NEK7: variants seen among roughly 807,000 people sequenced by gnomAD.
The protein encoded by NEK7 is NIMA related kinase 7.
A neutral mutation model predicts 44.6 loss-of-function variants in NEK7; 18 were observed. The ratio of observed to expected loss-of-function variants is 0.40; its 90% confidence interval spans 0.28 to 0.60. The LOEUF is 0.60. Among genes scored for constraint, NEK7 ranks in the 20% least tolerant of loss-of-function variants. The pLI is 0.38. For synonymous variants in NEK7, 130 were observed against 121.1 expected (o/e 1.07, Z -0.48); for missense variants, 256 against 366.5 (o/e 0.70, Z 2.46).
At chr1:198,207,267 A>G (rs1311132175) in intron 1 of NEK7, 1 of 152,122 alleles carries the variant, frequency 6.6e-6, no homozygotes, top group Non-Finnish European at 1.5e-5. Context: ...TTCATTCTCT[A>G]TGTTTTATTT....
chr1:198,189,674 A>G (rs1454230976), intron 1 of NEK7, among the ~76,000 whole-genome samples: 1 of 152,154 alleles, frequency 6.6e-6, no homozygotes, highest in Non-Finnish European at 1.5e-5. Context: ...ATATGTTTTC[A>G]AAGTATTTGT....
intron 8 of NEK7, among the ~76,000 whole-genome samples, chr1:198,294,255 TGTAAC>T (rs1654646603): frequency 6.6e-6 from 1 of 151,994 alleles, no homozygotes. Context: ...GAGTCAGTAA[TGTAAC>T]AAAACATGTT....
At chr1:198,296,605 T>C (rs902174978) in intron 8 of NEK7, among the ~76,000 whole-genome samples, 1 of 152,168 alleles carries the variant, frequency 6.6e-6, no homozygotes, top group African/African-American at 2.4e-5. Context: ...TGGGGATCAG[T>C]TATTGCATTT....
intron 1 of NEK7, among the ~76,000 whole-genome samples, chr1:198,229,395 C>T (rs186796638): frequency 7.2e-5 from 11 of 152,246 alleles, no homozygotes; most frequent in African/African-American, 2.4e-4. Context: ...GTCTGTGAGC[C>T]GCTCTGGCAA....
intron 1 of NEK7, among the ~76,000 whole-genome samples, chr1:198,209,929 G>T (rs577411433): frequency 1.2e-3 from 178 of 151,932 alleles, no homozygotes; most frequent in Non-Finnish European, 2.1e-3. Flanking sequence ...CAATTCTCAT[G>T]CATCAGCCTC....
At position 198,271,922 on chromosome 1, in the gene NEK7, TATAC is replaced by T. The variant is rs201775089; in HGVS notation, c.373-6037_373-6034del. Among the ~76,000 whole-genome samples the T allele has an allele frequency of 8.5e-4, 123 of 145,012 alleles. 2 individuals carry two copies. The East Asian group carries it at 0.022, about 26-fold the overall frequency. ...TTTATATTTTATATATATATATATA[TATAC>T]ACACACACACACACACATAGATACA... On this transcript the variant is annotated intron_variant, in intron 5 of 9. Transcript: ENST00000367385.
intron 9 of NEK7, among the ~76,000 whole-genome samples, chr1:198,297,695 C>T (rs1225822107): frequency 1.3e-5 from 2 of 152,192 alleles, no homozygotes; most frequent in Admixed American, 6.5e-5. Flanking sequence ...ACTCGAAACA[C>T]GCATCTCTTA....
intron 1 of NEK7, among the ~76,000 whole-genome samples, chr1:198,175,012 C>A (rs1379024369): frequency 6.6e-6 from 1 of 152,142 alleles, no homozygotes; most frequent in Non-Finnish European, 1.5e-5. Context: ...CCCACCGTGG[C>A]TTCCCAAAGT....
chr1:198,211,732 C>A (rs779820568), intron 1 of NEK7, among the ~76,000 whole-genome samples: 3 of 151,728 alleles, frequency 2.0e-5, no homozygotes, highest in Non-Finnish European at 2.9e-5. Flanking sequence ...GGCAAGATGG[C>A]GGACTGGAGG....
intron 1 of NEK7, among the ~76,000 whole-genome samples, chr1:198,229,199 C>A (rs1666315017): frequency 6.6e-6 from 1 of 152,074 alleles, no homozygotes; most frequent in South Asian, 2.1e-4. Context: ...CACAAAAGGC[C>A]CAAGTGGCCA....
chr1:198,230,595 G>A (rs971423025), intron 1 of NEK7, among the ~76,000 whole-genome samples: 2 of 151,852 alleles, frequency 1.3e-5, no homozygotes, highest in African/African-American at 2.4e-5. Context: ...GATTTAATAC[G>A]TTTTTCCTAA....
At chr1:198,184,462 A>G (rs976059907) in intron 1 of NEK7, among the ~76,000 whole-genome samples, 2 of 152,212 alleles carry the variant, frequency 1.3e-5, no homozygotes, top group Admixed American at 1.3e-4. Flanking sequence ...AAATAGTCAA[A>G]CTGCTTACAT....
intron 2 of NEK7, among the ~76,000 whole-genome samples, chr1:198,243,303 T>C (rs1246524297): frequency 1.3e-5 from 2 of 152,212 alleles, no homozygotes; most frequent in East Asian, 1.9e-4. Flanking sequence ...GATATTATTA[T>C]GTATTTGTTT....
At chr1:198,311,061 T>A (rs1289466247) in intron 9 of NEK7, among the ~76,000 whole-genome samples, 1 of 149,514 alleles carries the variant, frequency 6.7e-6, no homozygotes, top group Non-Finnish European at 1.5e-5. Flanking sequence ...TGATTCTTCC[T>A]ACCCACGAGC....
chr1:198,293,205 A>G (rs1654612066), intron 8 of NEK7, among the ~76,000 whole-genome samples, 166 bp downstream of exon 8: 2 of 151,960 alleles, frequency 1.3e-5, no homozygotes, highest in Admixed American at 6.6e-5. Flanking sequence ...TTTAATAACT[A>G]TACATTCCTA....
chr1:198,219,393 G>T lies in NEK7; in HGVS notation c.-28-13160G>T, dbSNP rs1003323551. 2.6e-5 allele frequency among the ~76,000 whole-genome samples: 4 copies of T among 151,356 alleles called. No homozygotes were observed. The East Asian group carries it at 5.8e-4, about 22-fold the overall frequency. ...TAAGCTGTAAAACGAATGAAATAAT[G>T]TCTTCTGCAACAACTTGGATGGAAT... On this transcript the variant is annotated intron_variant, in intron 1 of 9. Coordinates refer to ENST00000367385, the MANE Select transcript of NEK7 (RefSeq NM_133494.3).
chr1:198,249,728 G>T (rs1163280095), intron 2 of NEK7, among the ~76,000 whole-genome samples: 1 of 145,498 alleles, frequency 6.9e-6, no homozygotes, highest in African/African-American at 2.6e-5. Flanking sequence ...ACTTTTTGAT[G>T]GGGTTGTTTG....
At chr1:198,229,483 G>A (rs1187561606) in intron 1 of NEK7, among the ~76,000 whole-genome samples, 1 of 152,234 alleles carries the variant, frequency 6.6e-6, no homozygotes, top group East Asian at 1.9e-4. Flanking sequence ...GGCTCGGACT[G>A]TGACTGGTGG....
chr1:198,320,064 G>C lies in NEK7; in HGVS notation c.*542G>C, dbSNP rs1655490968. On this transcript the variant is annotated 3_prime_UTR_variant, in exon 10 of 10. Transcript: ENST00000367385. ...TGATAAATGTAGACACAAACTATTT[G>C]AGAAACATTTAGAACTCTTAGCTTA... The C allele has an allele frequency of 6.6e-6, 1 of 152,130 alleles. No homozygotes were observed. The highest frequency in any genetic ancestry group is 1.5e-5 in the Non-Finnish European group (1 of 68,000). 9.4% of individuals were successfully genotyped at this position (152,130 alleles called of 1,614,324 possible).
Sources: allele counts gnomAD v4.1 joint callset (sites outside exome capture counted in the v4.1 genomes callset), GRCh38; gene constraint gnomAD v4.1.1; transcripts MANE v1.5; gene names NCBI Gene and HGNC (gene_info 2026-07-23, HGNC 2026-07-21).